The following SALL3 variants were observed in gnomAD, a reference collection of about 807,000 sequenced individuals.
SALL3 encodes the protein sal-like protein 3.
In SALL3, 25 loss-of-function variants were observed where a neutral mutation model predicts 66.2. The observed-to-expected ratio is 0.38, with a 90% CI of 0.28 to 0.53. SALL3 has a LOEUF of 0.53. Ranked by LOEUF, SALL3 falls within the 20% of genes least tolerant of loss-of-function variation. SALL3 has a pLI of 0.85. For synonymous variants in SALL3, 1,152 were observed against 899.1 expected (o/e 1.28, Z -5.03); for missense variants, 2,194 against 1,916.5 (o/e 1.14, Z -2.70).
rs1227878539 is a variant in SALL3, at chr18:78,995,386, A to G, written c.3395A>G (p.Glu1132Gly). Residue 1132 changes from glutamate to glycine, a missense_variant, in exon 2 of 3, where the codon GAG (glutamate) becomes GGG (glycine). Transcript: ENST00000537592. Reference protein sequence around the residue: ...FSSASALQIHERTHTGEKPFG... With the variant: ...FSSASALQIHGRTHTGEKPFG... ...TCGGCCAGCGCCCTGCAGATCCATG[A>G]GCGCACGCACACCGGCGAGAAGCCG... 6.3e-7 allele frequency: 1 copy of G among 1,585,914 alleles called. No homozygotes were observed. Among genetic ancestry groups the G allele is most frequent in the Non-Finnish European group, 8.5e-7 (1 of 1,174,180 alleles).
rs138463518 is a variant in SALL3, at chr18:78,997,173, C to G, written c.3754C>G (p.Pro1252Ala). 2.5e-5 allele frequency: 41 copies of G among 1,614,058 alleles called. No homozygotes were observed. Among genetic ancestry groups the G allele is most frequent in the Middle Eastern group, 1.6e-4 (1 of 6,062 alleles). Residue 1252 changes from proline to alanine, a missense_variant, in exon 3 of 3, where the codon CCT becomes GCT. Pro to Ala is a conservative substitution (Grantham distance 27, BLOSUM62 -1). Coordinates refer to ENST00000537592, the MANE Select transcript of SALL3 (RefSeq NM_171999.4). ...PVSLGGSALPPLGSMASGMDK... is the reference protein window; with the variant it reads ...PVSLGGSALPALGSMASGMDK... Reference sequence around the variant, plus strand: ...GAGTCTTGGGGGCAGCGCCCTCCCCCCTCTGGGCAGCATGGCCAGTGGGAT... The same window carrying G: ...GAGTCTTGGGGGCAGCGCCCTCCCCGCTCTGGGCAGCATGGCCAGTGGGAT...
chr18:78,992,250 C>G lies in SALL3; in HGVS notation c.259C>G (p.Pro87Ala). 1 of 1,576,310 alleles carries G rather than the reference C, an allele frequency of 6.3e-7. No individual in the cohort carries two copies. The highest frequency in any genetic ancestry group is 1.1e-5 in the South Asian group (1 of 87,672). Reference sequence around the variant, plus strand: ...CGTGCTGATCGTGCACGAGGACGCGCCCGCGCCGCCCCCCGAGGACTTCCC... The same window carrying G: ...CGTGCTGATCGTGCACGAGGACGCGGCCGCGCCGCCCCCCGAGGACTTCCC... The part of the protein sequence containing the change: ...PPVLIVHEDA[P>A]APPPEDFPEP... The change falls in exon 2 of 3, where the codon CCC becomes GCC. Residue 87 changes from proline (P) to alanine (A), a missense_variant. Coordinates refer to ENST00000537592, the MANE Select transcript of SALL3 (RefSeq NM_171999.4).
rs1466740497 is a variant in SALL3 at position 78,992,357 on chromosome 18, C to G, written c.366C>G (p.Gly122=). ...AGGCGGGTGCGGAGGGCGCGGAGGG[C>G]GAGGCCAGGCCGGTGGAGAAGGAGG... ...AEEAGAEGAE[G]EARPVEKEAE... The change falls in exon 2 of 3, where the codon GGC becomes GGG. Residue 122 remains glycine, a synonymous_variant. Coordinates refer to ENST00000537592, the MANE Select transcript of SALL3 (RefSeq NM_171999.4). 1 of 1,356,652 alleles carries G rather than the reference C, an allele frequency of 7.4e-7. No homozygotes were observed. The highest frequency in any genetic ancestry group is 9.4e-7 in the Non-Finnish European group (1 of 1,062,066). The allele number at this position is 1,356,652 out of a possible 1,614,324, so 84.0% of individuals were successfully genotyped here.
At chr18:78,996,770 T>C in intron 2 of SALL3, 121 bp from the exon 3 acceptor site, 1 of 951,762 alleles carries the variant, frequency 1.1e-6, no homozygotes, top group Non-Finnish European at 1.5e-6. Context: ...CCACCTGTGT[T>C]TTGTTGTCCG....
rs542588380 is a variant in SALL3, at chr18:78,994,597, C to A, written c.2606C>A (p.Ser869Tyr). 6.2e-7 allele frequency: 1 copy of A among 1,610,076 alleles called. No homozygotes were observed. Residue 869 changes from serine (S) to tyrosine (Y), a missense_variant, in exon 2 of 3, where the codon TCC (serine) becomes TAC (tyrosine). Physicochemically the swap from Ser to Tyr is moderately radical, Grantham distance 144. Transcript: ENST00000537592. ...GGCCTCAAGTCCGTGGAGAACGGGT[C>A]CGGGGAGAGTGACCGCCTGAGCAAC... The part of the protein sequence containing the change: ...LTGLKSVENG[S>Y]GESDRLSNDS...
rs766126811 is a variant in SALL3, at chr18:78,997,322, G to A, written c.3903G>A (p.Ter1301=). The A allele has an allele frequency of 1.9e-6, 3 of 1,611,314 alleles. No homozygotes were observed. Among genetic ancestry groups the A allele is most frequent in the Admixed American group, 1.7e-5 (1 of 59,930 alleles). ...IEDNKEIGIN[*] ...ATAACAAGGAGATTGGTATCAACTA[G>A]CCAGTGACTCGCTCATCTGCCCTGC... The change falls in exon 3 of 3, where the codon TAG becomes TAA. Residue 1301 remains the stop codon, a stop_retained_variant. Coordinates refer to ENST00000537592, the MANE Select transcript of SALL3 (RefSeq NM_171999.4).
rs376742118 is a variant in SALL3 at position 78,992,126 on chromosome 18, C to T, written c.135C>T (p.Ser45=). 19 of 1,598,374 alleles carry T rather than the reference C, an allele frequency of 1.2e-5. No individual in the cohort carries two copies. In the East Asian group the frequency reaches 4.1e-4, roughly 34 times the overall value. The change falls in exon 2 of 3, where the codon AGC becomes AGT. Residue 45 remains serine, a synonymous_variant. Coordinates refer to ENST00000537592, the MANE Select transcript of SALL3 (RefSeq NM_171999.4). ...CAGACAGCGGGCCCGAGAGCCGCAG[C>T]GGGGGCGAGGAGACCAGCGTGTGCG... is the stretch of plus-strand genomic sequence containing the variant. ...EDADSGPESR[S]GGEETSVCEK... is the part of the protein sequence containing the mutation.
chr18:78,996,929 G>A lies in SALL3; in HGVS notation c.3510G>A (p.Ala1170=), dbSNP rs554029982. 1.6e-5 allele frequency: 26 copies of A among 1,612,856 alleles called. No homozygotes were observed. Among genetic ancestry groups the A allele is most frequent in the South Asian group, 1.3e-4 (12 of 91,062 alleles). ...CACACATGTGGAATAACGCCCCCGC[G>A]AGACGCGGCCGCCGCCTGTCTGTGG... ...MGTHMWNNAP[A]RRGRRLSVEN... The change falls in exon 3 of 3, where the codon GCG becomes GCA. Residue 1170 remains alanine (A), a synonymous_variant. Transcript: ENST00000537592.
chr18:78,994,445 G>A lies in SALL3; in HGVS notation c.2454G>A (p.Pro818=), dbSNP rs1252378463. 14 of 1,612,192 alleles carry A rather than the reference G, an allele frequency of 8.7e-6. No homozygotes were observed. The highest frequency in any genetic ancestry group is 1.1e-5 in the South Asian group (1 of 91,074). Residue 818 remains proline (P), a synonymous_variant, in exon 2 of 3, where the codon CCG becomes CCA. Transcript: ENST00000537592. ...AGCTGAAGGACGCGGCCACCGACCC[G>A]GCCAAGCCACTCCTGTCCTACGCGG... ...DAELKDAATD[P]AKPLLSYAGS... is the part of the protein sequence containing the mutation.
intron 1 of SALL3, among the ~76,000 whole-genome samples, chr18:78,991,419 C>G (rs1422481270): frequency 6.8e-6 from 1 of 146,456 alleles, no homozygotes. Flanking sequence ...TCTGAGTTGG[C>G]GGAGATTGTT....
rs749873911 is a variant in SALL3, at chr18:78,993,554, C to T, written c.1563C>T (p.Thr521=). 2.5e-6 allele frequency: 4 copies of T among 1,591,940 alleles called. No individual in the cohort carries two copies. The highest frequency in any genetic ancestry group is 1.7e-5 in the Admixed American group (1 of 57,864). Residue 521 remains threonine (T), a synonymous_variant, in exon 2 of 3, where the codon ACC becomes ACT. Transcript: ENST00000537592. ...TWLDSKPVLP[T]VPTSVGLQLP... is the part of the protein sequence containing the mutation. ...TGGACAGCAAGCCCGTGCTGCCCAC[C>T]GTGCCCACGTCCGTGGGGCTGCAAC...
chr18:78,988,856 A>AT (rs1409298258), intron 1 of SALL3, among the ~76,000 whole-genome samples: 2 of 152,120 alleles, frequency 1.3e-5, no homozygotes, highest in Non-Finnish European at 2.9e-5. Context: ...TTGTATTGAA[A>AT]TTTTTTTCCT....
In SALL3 at chr18:78,992,181, G is replaced by A. The variant is rs367593620; in HGVS notation, c.190G>A (p.Ala64Thr). ...EKCCAEFFKWADFLEHQRSCT... is the reference protein window; with the variant it reads ...EKCCAEFFKWTDFLEHQRSCT... ...ATGCTGCGCCGAGTTCTTCAAGTGG[G>A]CGGACTTCCTGGAGCACCAGCGGAG... is the stretch of plus-strand genomic sequence containing the variant. Residue 64 changes from alanine (A) to threonine (T), a missense_variant, in exon 2 of 3, where the codon GCG (alanine) becomes ACG (threonine). Coordinates refer to ENST00000537592, the MANE Select transcript of SALL3 (RefSeq NM_171999.4). 226 of 1,610,354 alleles carry A rather than the reference G, an allele frequency of 1.4e-4. No homozygotes were observed. Among genetic ancestry groups the A allele is most frequent in the Non-Finnish European group, 1.9e-4 (219 of 1,179,064 alleles).
intron 1 of SALL3, among the ~76,000 whole-genome samples, chr18:78,986,401 G>A (rs1467180996): frequency 1.3e-5 from 2 of 152,148 alleles, no homozygotes; most frequent in Non-Finnish European, 2.9e-5. Flanking sequence ...CTGAGGTCTC[G>A]GGAAAAGGAC....
intron 1 of SALL3, among the ~76,000 whole-genome samples, chr18:78,988,286 A>G (rs555633594): frequency 3.9e-5 from 6 of 152,232 alleles, no homozygotes; most frequent in Non-Finnish European, 8.8e-5. Context: ...GATTTTTCCC[A>G]TATGGGTTTG....
rs766275514 is a variant in SALL3 at position 78,994,182 on chromosome 18, G to C, written c.2191G>C (p.Ala731Pro). ...NLKTHFGVHR[A>P]KPPLRVQHSC... is the part of the protein sequence containing the mutation. Reference sequence around the variant, plus strand: ...CAAGACGCACTTCGGCGTGCACCGTGCAAAGCCGCCCCTGCGCGTGCAGCA... The same window carrying C: ...CAAGACGCACTTCGGCGTGCACCGTCCAAAGCCGCCCCTGCGCGTGCAGCA... Residue 731 changes from alanine (A) to proline (P), a missense_variant, in exon 2 of 3, where the codon GCA becomes CCA. Transcript: ENST00000537592. 1 of 1,613,270 alleles carries C rather than the reference G, an allele frequency of 6.2e-7. No individual in the cohort carries two copies. Among genetic ancestry groups the C allele is most frequent in the Non-Finnish European group, 8.5e-7 (1 of 1,179,988 alleles).
chr18:78,996,937 G>A lies in SALL3; in HGVS notation c.3518G>A (p.Gly1173Asp). ...HMWNNAPARR[G>D]RRLSVENPMA... is the part of the protein sequence containing the mutation. The stretch of plus-strand genomic sequence containing the variant: ...TGGAATAACGCCCCCGCGAGACGCG[G>A]CCGCCGCCTGTCTGTGGAGAACCCC... Residue 1173 changes from glycine to aspartate, a missense_variant, in exon 3 of 3, where the codon GGC (glycine) becomes GAC (aspartate). Coordinates refer to ENST00000537592, the MANE Select transcript of SALL3 (RefSeq NM_171999.4). 1.2e-6 allele frequency: 2 copies of A among 1,613,044 alleles called. No homozygotes were observed. Among genetic ancestry groups the A allele is most frequent in the Non-Finnish European group, 1.7e-6 (2 of 1,179,716 alleles).
At chr18:78,981,468 ACTGT>A (rs571187405) in intron 1 of SALL3, among the ~76,000 whole-genome samples, 48 of 152,246 alleles carry the variant, frequency 3.2e-4, no homozygotes, top group Non-Finnish European at 4.8e-4. Flanking sequence ...TGAGAATGAG[ACTGT>A]CTGCGAAAAG....
Position 78,992,769 on chromosome 18 carries a change from G to C in SALL3, c.778G>C (p.Gly260Arg). 4 of 1,045,216 alleles carry C rather than the reference G, an allele frequency of 3.8e-6. No individual in the cohort carries two copies. Among genetic ancestry groups the C allele is most frequent in the Non-Finnish European group, 4.6e-6 (4 of 869,564 alleles). 64.7% of individuals were successfully genotyped at this position (1,045,216 alleles called of 1,614,324 possible). A position where few individuals can be genotyped will look rare whatever the true frequency, so the allele number is the denominator to read the frequency against. ...GGGCCCGGCCCCCAGCCAGCTGCCC[G>C]GGCTGGCCGCGCTCCCGCTGTCGGC... is the stretch of plus-strand genomic sequence containing the variant. Reference protein sequence around the residue: ...APGPAPSQLPGLAALPLSAGA... With the variant: ...APGPAPSQLPRLAALPLSAGA... The change falls in exon 2 of 3, where the codon GGG (glycine) becomes CGG (arginine). Residue 260 changes from glycine (G) to arginine (R), a missense_variant. Physicochemically the swap from Gly to Arg is moderately radical, Grantham distance 125. Coordinates refer to ENST00000537592, the MANE Select transcript of SALL3 (RefSeq NM_171999.4).
Sources: gnomAD v4.1 joint callset for allele counts (sites outside exome capture counted in the v4.1 genomes callset) on GRCh38, gnomAD v4.1.1 for gene constraint, MANE v1.5 for transcripts, NCBI Gene and HGNC (gene_info 2026-07-23, HGNC 2026-07-21) for gene names.